ANK2: variants seen among roughly 807,000 people sequenced by gnomAD.
ANK2 encodes the protein ankyrin 2, also known as ankyrin-2.
In ANK2, 83 loss-of-function variants were observed where a neutral mutation model predicts 360.5. The ratio of observed to expected loss-of-function variants is 0.23; its 90% CI spans 0.19 to 0.28. ANK2 has a LOEUF of 0.28. ANK2 is among the 10% of genes least tolerant of loss of function. ANK2 has a pLI of 1.00. For synonymous variants in ANK2, 1,740 were observed against 1,759.5 expected (o/e 0.99, Z 0.28); for missense variants, 4,201 against 4,795.7 (o/e 0.88, Z 3.66).
At chr4:112,709,399 T>C in the ANK2 span, among the ~76,000 whole-genome samples, 1 of 152,324 alleles carries the variant, frequency 6.6e-6, no homozygotes, top group Non-Finnish European at 1.5e-5. Context: ...CTTATGGCCA[T>C]TTCCAGAGAA....
chr4:113,195,611 T>G (rs1052164048), intron 2 of ANK2, among the ~76,000 whole-genome samples: 1 of 152,180 alleles, frequency 6.6e-6, no homozygotes, highest in East Asian at 1.9e-4. Flanking sequence ...AAGTGGGCTA[T>G]GGAAGCTAAT....
intron 1 of ANK2, chr4:112,826,161 T>A: frequency 3.6e-6 from 1 of 275,348 alleles, no homozygotes; most frequent in South Asian, 5.3e-5. Context: ...TAGGGACATT[T>A]CACAGATGGT....
chr4:113,356,475 A>G lies in ANK2; in HGVS notation c.7857A>G (p.Glu2619=), dbSNP rs201359267. The G allele has an allele frequency of 1.5e-5, 24 of 1,614,138 alleles. No individual in the cohort carries two copies. The highest frequency in any genetic ancestry group is 2.7e-5 in the African/African-American group (2 of 75,062). The change falls in exon 38 of 46, where the codon GAA becomes GAG. Residue 2619 remains glutamate (E), a synonymous_variant. Coordinates refer to ENST00000357077, the MANE Select transcript of ANK2 (RefSeq NM_001148.6). ...RDYKKEPKQE[E]SSSSSDPDAD... ...ACAAAAAAGAACCCAAACAAGAAGA[A>G]TCTTCTTCATCTTCTGACCCAGATG...
intron 2 of ANK2, among the ~76,000 whole-genome samples, chr4:113,002,462 A>G (rs1350573210): frequency 6.6e-6 from 1 of 152,136 alleles, no homozygotes; most frequent in Non-Finnish European, 1.5e-5. Flanking sequence ...TATCGCAAGA[A>G]CAAAAAACCA....
intron 2 of ANK2, among the ~76,000 whole-genome samples, chr4:113,186,602 T>A: frequency 7.8e-6 from 1 of 127,430 alleles, no homozygotes; most frequent in Non-Finnish European, 1.6e-5. Flanking sequence ...TCTCTCTCTC[T>A]CTCTCCCTCA....
chr4:113,155,966 T>C (rs905245835), intron 1 of ANK2, among the ~76,000 whole-genome samples: 5 of 152,212 alleles, frequency 3.3e-5, no homozygotes, highest in Non-Finnish European at 7.4e-5. Context: ...GTGGTCTCTT[T>C]GGCAAACATT....
In ANK2 at chr4:113,356,170, G is replaced by A. The variant is rs760570232; in HGVS notation, c.7552G>A (p.Glu2518Lys). The A allele has an allele frequency of 6.2e-7, 1 of 1,614,034 alleles. No homozygotes were observed. The highest frequency in any genetic ancestry group is 8.5e-7 in the Non-Finnish European group (1 of 1,179,986). The stretch of plus-strand genomic sequence containing the variant: ...ACTCCGAGACCCTGATGGCAGTGCT[G>A]AGGATGACAGTCTTGAGCAGACATC... ...RLLRDPDGSAEDDSLEQTSLM... is the reference protein window; with the variant it reads ...RLLRDPDGSAKDDSLEQTSLM... Residue 2518 changes from glutamate (E) to lysine (K), a missense_variant, in exon 38 of 46, where the codon GAG becomes AAG. Glu to Lys is a moderately conservative substitution (Grantham distance 56). Transcript: ENST00000357077.
chr4:113,280,479 A>G (rs532690044), intron 17 of ANK2, among the ~76,000 whole-genome samples: 1 of 152,266 alleles, frequency 6.6e-6, no homozygotes, highest in South Asian at 2.1e-4. Context: ...CAGCCTGTCA[A>G]TGAACATGAG....
At chr4:113,149,899 AAG>A (rs2096983486) in intron 1 of ANK2, among the ~76,000 whole-genome samples, 2 of 149,702 alleles carry the variant, frequency 1.3e-5, no homozygotes, top group African/African-American at 5.0e-5. Context: ...AAAAAAAAAA[AAG>A]AAAGATTGAA....
Position 113,274,486 on chromosome 4 carries a change from T to G in ANK2, c.1520T>G (p.Leu507Arg). Residue 507 changes from leucine (L) to arginine (R), a missense_variant, in exon 15 of 46, where the codon CTG becomes CGG. This residue lies in a region of ANK2 where 1,268 missense variants were observed against 1,650.8 expected (regional missense o/e 0.77). Transcript: ENST00000357077. Reference sequence around the variant, plus strand: ...ACACCTTTACATATTGCCTCCCGCCTGGGTAAGACAGAAATTGTCCAGCTG... The same window carrying G: ...ACACCTTTACATATTGCCTCCCGCCGGGGTAAGACAGAAATTGTCCAGCTG... ...EQTPLHIASR[L>R]GKTEIVQLLL... 1 of 1,614,208 alleles carries G rather than the reference T, an allele frequency of 6.2e-7. No individual in the cohort carries two copies.
intron 2 of ANK2, among the ~76,000 whole-genome samples, chr4:112,959,321 AT>A (rs529842467): frequency 2.6e-5 from 4 of 152,126 alleles, no homozygotes; most frequent in Admixed American, 6.5e-5. Flanking sequence ...AATGAAGCAG[AT>A]TTTTTTTGAA....
chr4:113,051,943 T>G (rs1178082296), intron 1 of ANK2, among the ~76,000 whole-genome samples: 1 of 152,208 alleles, frequency 6.6e-6, no homozygotes, highest in Non-Finnish European at 1.5e-5. Flanking sequence ...GCAATAAGCC[T>G]TTTAAGAGAA....
chr4:113,195,546 T>A (rs142518995), intron 2 of ANK2, among the ~76,000 whole-genome samples: 7 of 152,180 alleles, frequency 4.6e-5, no homozygotes, highest in Non-Finnish European at 4.4e-5. Flanking sequence ...TCAATTTGCA[T>A]GTGAAAAATG....
At chr4:112,799,948 C>G in the ANK2 span, among the ~76,000 whole-genome samples, 1 of 151,472 alleles carries the variant, frequency 6.6e-6, no homozygotes, top group African/African-American at 2.4e-5. Context: ...GATTCACTCA[C>G]ATAGAAGGTT....
intron 4 of ANK2, among the ~76,000 whole-genome samples, chr4:113,210,830 G>A (rs1363584307): frequency 6.6e-6 from 1 of 152,102 alleles, no homozygotes; most frequent in Non-Finnish European, 1.5e-5. Flanking sequence ...ACCTTTGTGG[G>A]AAGCACGAGA....
At chr4:113,094,089 A>G (rs1380579920) in intron 1 of ANK2, among the ~76,000 whole-genome samples, 1 of 152,212 alleles carries the variant, frequency 6.6e-6, no homozygotes, top group Non-Finnish European at 1.5e-5. Context: ...TTCAATTATT[A>G]ATGATAAATC....
At chr4:112,994,973 A>G (rs942942814) in intron 2 of ANK2, among the ~76,000 whole-genome samples, 3 of 152,188 alleles carry the variant, frequency 2.0e-5, no homozygotes, top group Non-Finnish European at 4.4e-5. Context: ...TCCACGCTGT[A>G]TATGTACCAC....
intron 34 of ANK2, 117 bp downstream of exon 34, chr4:113,343,259 C>T (rs977094476): frequency 1.0e-5 from 12 of 1,177,472 alleles, no homozygotes; most frequent in South Asian, 7.1e-5. Flanking sequence ...TCTTTTTAAC[C>T]ATATTTGTAA....
chr4:113,074,903 T>C (rs1184001125), intron 1 of ANK2, among the ~76,000 whole-genome samples: 1 of 152,228 alleles, frequency 6.6e-6, no homozygotes, highest in Non-Finnish European at 1.5e-5. Context: ...CTCCTAAAAG[T>C]TACTCTTAAA....
Sources: gnomAD v4.1 joint callset for allele counts (sites outside exome capture counted in the v4.1 genomes callset) on GRCh38, gnomAD v4.1.1 for gene constraint, gnomAD v4.1.1 regional missense constraint, MANE v1.5 for transcripts, NCBI Gene and HGNC (gene_info 2026-07-23, HGNC 2026-07-21) for gene names.